The following ARHGAP28 variants were observed in gnomAD, a reference collection of about 807,000 sequenced individuals.
The protein encoded by ARHGAP28 is Rho GTPase activating protein 28.
Under a neutral mutation model 90.7 loss-of-function variants are expected in ARHGAP28, and 56 were observed. That is an observed-to-expected ratio of 0.62 (90% CI 0.50 to 0.77). The LOEUF is 0.77. ARHGAP28 is among the 30% of genes least tolerant of loss of function. ARHGAP28 has a pLI of 0.00. For synonymous variants in ARHGAP28, 308 were observed against 323.3 expected (o/e 0.95, Z 0.51); for missense variants, 869 against 900.9 (o/e 0.96, Z 0.45).
chr18:6,746,496 C>T (rs188366007), intron 1 of ARHGAP28, among the ~76,000 whole-genome samples: 1 of 152,328 alleles, frequency 6.6e-6, no homozygotes, highest in African/African-American at 2.4e-5. Context: ...TTTTAGACAG[C>T]TTTCTACTCC....
At chr18:6,896,802 C>T (rs896177353) in intron 16 of ARHGAP28, 176 bp downstream of exon 16, 5 of 672,058 alleles carry the variant, frequency 7.4e-6, no homozygotes, top group African/African-American at 1.8e-5. Context: ...TATATGATTG[C>T]TAACAACAAA....
intron 10 of ARHGAP28, among the ~76,000 whole-genome samples, chr18:6,880,604 C>T (rs1235736772): frequency 4.6e-5 from 7 of 152,204 alleles, no homozygotes; most frequent in Non-Finnish European, 1.0e-4. Context: ...TTGTTCCTTG[C>T]CCTAGATGCG....
chr18:6,870,686 A>G lies in ARHGAP28; in HGVS notation c.908A>G (p.Asn303Ser). 1 of 1,612,174 alleles carries G rather than the reference A, an allele frequency of 6.2e-7. No homozygotes were observed. The highest frequency in any genetic ancestry group is 1.1e-5 in the South Asian group (1 of 90,788). ...SEMVTEALKR[N>S]KLKKSEIKKE... is the part of the protein sequence containing the mutation. Reference sequence around the variant, plus strand: ...ATGGTTACGGAGGCTCTAAAAAGAAATAAACTTAAGAAATCAGAGATTAAG... The same window carrying G: ...ATGGTTACGGAGGCTCTAAAAAGAAGTAAACTTAAGAAATCAGAGATTAAG... The change falls in exon 7 of 18, where the codon AAT (asparagine) becomes AGT (serine). Residue 303 changes from asparagine (N) to serine (S), a missense_variant. By Grantham distance (46) the Asn-to-Ser change is conservative. Coordinates refer to ENST00000383472, the MANE Select transcript of ARHGAP28 (RefSeq NM_001366230.1).
chr18:6,848,326 C>T (rs980561089), intron 3 of ARHGAP28, among the ~76,000 whole-genome samples: 8 of 152,100 alleles, frequency 5.3e-5, no homozygotes, highest in African/African-American at 1.9e-4. Flanking sequence ...AAACTTCCCT[C>T]ATTTTGCCTT....
At chr18:6,731,604 TGCCC>T in intron 1 of ARHGAP28, among the ~76,000 whole-genome samples, 1 of 152,136 alleles carries the variant, frequency 6.6e-6, no homozygotes, top group African/African-American at 2.4e-5. Flanking sequence ...TTTTGGTGAC[TGCCC>T]TGCACTCTGT....
chr18:6,768,754 A>G (rs1002787591), intron 1 of ARHGAP28, among the ~76,000 whole-genome samples: 1 of 151,676 alleles, frequency 6.6e-6, no homozygotes, highest in Non-Finnish European at 1.5e-5. Context: ...GCCTCCCTGA[A>G]CTCTGTTCCA....
intron 1 of ARHGAP28, among the ~76,000 whole-genome samples, chr18:6,764,309 C>T (rs1163798291): frequency 1.3e-5 from 2 of 152,204 alleles, no homozygotes; most frequent in Non-Finnish European, 2.9e-5. Flanking sequence ...CACTGTGACA[C>T]TACCTGCCAT....
intron 16 of ARHGAP28, among the ~76,000 whole-genome samples, chr18:6,899,388 C>T (rs942632509): frequency 6.6e-6 from 1 of 152,148 alleles, no homozygotes; most frequent in Non-Finnish European, 1.5e-5. Flanking sequence ...CCAGACAGAG[C>T]ACTGCGGAAA....
At chr18:6,882,111 T>C (rs1443801102) in intron 10 of ARHGAP28, 26 bp from the exon 11 acceptor site, 1 of 1,600,248 alleles carries the variant, frequency 6.2e-7, no homozygotes, top group Non-Finnish European at 8.5e-7. Flanking sequence ...GTGCATTGAA[T>C]ACTGACTGTT....
At chr18:6,839,130 CACA>C (rs1428358486) in intron 3 of ARHGAP28, among the ~76,000 whole-genome samples, 1 of 152,036 alleles carries the variant, frequency 6.6e-6, no homozygotes, top group Non-Finnish European at 1.5e-5. Context: ...GGATAGACTC[CACA>C]ACAACAACCA....
intron 3 of ARHGAP28, among the ~76,000 whole-genome samples, chr18:6,841,961 G>T (rs1008908044): frequency 2.2e-4 from 33 of 152,072 alleles, no homozygotes; most frequent in African/African-American, 7.7e-4. Context: ...GATGATTGTT[G>T]CACTGTTTGG....
intron 1 of ARHGAP28, among the ~76,000 whole-genome samples, chr18:6,820,747 A>G (rs1295424754): frequency 6.6e-6 from 1 of 152,256 alleles, no homozygotes; most frequent in Non-Finnish European, 1.5e-5. Flanking sequence ...AAAAGGATTT[A>G]AACAAAAACT....
intron 1 of ARHGAP28, among the ~76,000 whole-genome samples, chr18:6,760,635 T>C (rs955760234): frequency 2.0e-5 from 3 of 152,244 alleles, no homozygotes; most frequent in African/African-American, 4.8e-5. Flanking sequence ...AGAAAATGGA[T>C]TGCTTTGATA....
intron 3 of ARHGAP28, among the ~76,000 whole-genome samples, chr18:6,845,462 G>A (rs1449867639): frequency 6.6e-6 from 1 of 152,104 alleles, no homozygotes; most frequent in Non-Finnish European, 1.5e-5. Flanking sequence ...TGCAGGATGT[G>A]CAGGTTTGTT....
chr18:6,875,554 G>A (rs1479962738), intron 9 of ARHGAP28, among the ~76,000 whole-genome samples: 1 of 152,106 alleles, frequency 6.6e-6, no homozygotes, highest in Non-Finnish European at 1.5e-5. Flanking sequence ...GTTATTGTGA[G>A]GATTAGATGA....
At chr18:6,908,294 C>T (rs370253675) in intron 16 of ARHGAP28, among the ~76,000 whole-genome samples, 14 of 152,010 alleles carry the variant, frequency 9.2e-5, no homozygotes, top group East Asian at 1.9e-4. Context: ...CATGCCACCA[C>T]GCCCGGCTGA....
intron 2 of ARHGAP28, among the ~76,000 whole-genome samples, chr18:6,835,158 C>T (rs1242679975): frequency 6.6e-6 from 1 of 152,170 alleles, no homozygotes; most frequent in African/African-American, 2.4e-5. Context: ...AGACCATCCT[C>T]ACCTCTGATT....
Position 6,851,088 on chromosome 18 carries a change from A to G in ARHGAP28, c.598A>G (p.Arg200Gly), listed in dbSNP as rs2056907065. 2 of 1,614,020 alleles carry G rather than the reference A, an allele frequency of 1.2e-6. No individual in the cohort carries two copies. The highest frequency in any genetic ancestry group is 1.7e-6 in the Non-Finnish European group (2 of 1,180,020). The change falls in exon 4 of 18, where the codon AGA (arginine) becomes GGA (glycine). Residue 200 changes from arginine to glycine, a missense_variant. Physicochemically the swap from Arg to Gly is moderately radical, Grantham distance 125. Coordinates refer to ENST00000383472, the MANE Select transcript of ARHGAP28 (RefSeq NM_001366230.1). ...TNQLDGTKEE[R>G]ELPRVIKTSG... Reference sequence around the variant, plus strand: ...TCAGCTGGATGGCACCAAGGAAGAAAGAGAGCTTCCAAGAGTTATCAAGAC... The same window carrying G: ...TCAGCTGGATGGCACCAAGGAAGAAGGAGAGCTTCCAAGAGTTATCAAGAC...
intron 10 of ARHGAP28, among the ~76,000 whole-genome samples, chr18:6,877,298 G>A (rs1253052745): frequency 2.0e-5 from 3 of 152,202 alleles, no homozygotes; most frequent in Non-Finnish European, 4.4e-5. Context: ...AGTCACGGCG[G>A]TTCTGCTTCT....
Sources: allele counts gnomAD v4.1 joint callset (sites outside exome capture counted in the v4.1 genomes callset), GRCh38; gene constraint gnomAD v4.1.1; transcripts MANE v1.5; gene names NCBI Gene and HGNC (gene_info 2026-07-23, HGNC 2026-07-21).